PLCXD3: variants seen among roughly 807,000 people sequenced by gnomAD.
PLCXD3 encodes the protein PI-PLC X domain-containing protein 3.
PLCXD3 carries 19 observed loss-of-function variants against 25.5 expected under a neutral mutation model. That is an observed-to-expected ratio of 0.75 (90% confidence interval 0.52 to 1.09). The LOEUF is 1.09. Among genes scored for constraint, PLCXD3 ranks in the 50% least tolerant of loss-of-function variants. The pLI, the probability that PLCXD3 is intolerant of heterozygous loss-of-function variation, is 0.00. For missense variants in PLCXD3, 411 were observed against 388.1 expected, an observed-to-expected ratio of 1.06 and a Z score of -0.50; for synonymous variants, 174 against 137.6, an observed-to-expected ratio of 1.26 and a Z score of -1.85.
intron 2 of PLCXD3, among the ~76,000 whole-genome samples, chr5:41,337,034 A>C (rs2150476475): frequency 6.6e-6 from 1 of 152,298 alleles, no homozygotes; most frequent in African/African-American, 2.4e-5. Flanking sequence ...GGCCTCTGAC[A>C]AACTTAATAA....
intron 1 of PLCXD3, among the ~76,000 whole-genome samples, chr5:41,473,030 CATTTTATAT>C (rs1452522045): frequency 1.3e-5 from 2 of 151,916 alleles, no homozygotes; most frequent in Admixed American, 6.6e-5. Flanking sequence ...ATATTCTTAA[CATTTTATAT>C]ATTTTATGAA....
At chr5:41,334,617 A>G (rs780405132) in intron 2 of PLCXD3, among the ~76,000 whole-genome samples, 5 of 152,208 alleles carry the variant, frequency 3.3e-5, no homozygotes, top group African/African-American at 4.8e-5. Flanking sequence ...TTTGTTTAAC[A>G]AAAAGTAATG....
intron 2 of PLCXD3, among the ~76,000 whole-genome samples, chr5:41,315,510 C>A (rs111457962): frequency 5.9e-5 from 9 of 152,056 alleles, no homozygotes; most frequent in Non-Finnish European, 1.0e-4. Flanking sequence ...CTCCGCATAC[C>A]CCTGCAAGGT....
intron 2 of PLCXD3, among the ~76,000 whole-genome samples, chr5:41,353,318 G>A (rs1744527017): frequency 6.6e-6 from 1 of 151,416 alleles, no homozygotes; most frequent in Non-Finnish European, 1.5e-5. Flanking sequence ...TGCCAGGATG[G>A]TCTCAATCTC....
At chr5:41,328,715 A>T (rs1002205346) in intron 2 of PLCXD3, among the ~76,000 whole-genome samples, 3 of 152,182 alleles carry the variant, frequency 2.0e-5, no homozygotes, top group Non-Finnish European at 4.4e-5. Context: ...TCCCTCCTTC[A>T]AAGAAGCCAC....
chr5:41,328,575 G>A (rs921007732), intron 2 of PLCXD3, among the ~76,000 whole-genome samples: 1 of 152,124 alleles, frequency 6.6e-6, no homozygotes, highest in East Asian at 1.9e-4. Context: ...TACAACAGCA[G>A]GTCCCAAATT....
intron 1 of PLCXD3, among the ~76,000 whole-genome samples, chr5:41,503,663 T>A (rs1172612583): frequency 6.6e-6 from 1 of 152,162 alleles, no homozygotes; most frequent in East Asian, 1.9e-4. Context: ...TGAACCATGA[T>A]TAAATTTTTC....
intron 1 of PLCXD3, among the ~76,000 whole-genome samples, chr5:41,459,825 A>T (rs917296154): frequency 9.2e-5 from 14 of 152,024 alleles, no homozygotes; most frequent in African/African-American, 3.4e-4. Flanking sequence ...TACCCAACTT[A>T]AGGATTGCTG....
chr5:41,383,677 C>T (rs1745550693), intron 1 of PLCXD3, among the ~76,000 whole-genome samples: 1 of 151,932 alleles, frequency 6.6e-6, no homozygotes, highest in Non-Finnish European at 1.5e-5. Context: ...ACTCAGGCTT[C>T]CTCTGAGTGC....
At position 41,486,971 on chromosome 5, in the gene PLCXD3, C is replaced by T. The variant is rs1748532286; in HGVS notation, c.103+23453G>A. Among the ~76,000 whole-genome samples the T allele has an allele frequency of 1.3e-5, 2 of 152,108 alleles. 1 individual carries two copies. The highest frequency in any genetic ancestry group is 4.1e-4 in the South Asian group (2 of 4,828). On this transcript the variant is annotated intron_variant, in intron 1 of 2. Transcript: ENST00000377801. ...TTTACAGATGTAACACCTGATCCTA[C>T]TTGAATTACCAACTTACAGATAATT...
At chr5:41,386,880 T>C (rs1026371301) in intron 1 of PLCXD3, among the ~76,000 whole-genome samples, 1 of 151,944 alleles carries the variant, frequency 6.6e-6, no homozygotes, top group African/African-American at 2.4e-5. Context: ...AAAAGACTGA[T>C]CCTTATCACC....
intron 1 of PLCXD3, among the ~76,000 whole-genome samples, chr5:41,404,744 A>ATTATG (rs1561262973): frequency 3.3e-5 from 5 of 152,180 alleles, no homozygotes; most frequent in African/African-American, 1.2e-4. Flanking sequence ...TTGGTCTCTC[A>ATTATG]GTTTAGCCAT....
At position 41,510,418 on chromosome 5, in the gene PLCXD3, G is replaced by T. The variant is rs1300865334; in HGVS notation, c.103+6C>A. 7 of 1,604,864 alleles carry T rather than the reference G, an allele frequency of 4.4e-6. No individual in the cohort carries two copies. Among genetic ancestry groups the T allele is most frequent in the Non-Finnish European group, 6.0e-6 (7 of 1,175,674 alleles). On this transcript the variant is annotated splice_donor_region_variant and intron_variant, in intron 1 of 2. Coordinates refer to ENST00000377801, the MANE Select transcript of PLCXD3 (RefSeq NM_001005473.3). ...AGCGCCTAGCCCGCAGCCCCTGCGC[G>T]CCTACCTGGAATGGCTAAATTGGTG...
chr5:41,421,494 T>G (rs1390658891), intron 1 of PLCXD3, among the ~76,000 whole-genome samples: 1 of 151,754 alleles, frequency 6.6e-6, no homozygotes, highest in Non-Finnish European at 1.5e-5. Context: ...AAGGTCAGGA[T>G]ATTGAGACCA....
At chr5:41,425,577 A>G (rs1320998938) in intron 1 of PLCXD3, among the ~76,000 whole-genome samples, 1 of 152,164 alleles carries the variant, frequency 6.6e-6, no homozygotes, top group Non-Finnish European at 1.5e-5. Flanking sequence ...ATCTACCACT[A>G]TAGTATCATA....
At chr5:41,326,964 A>C (rs112478957) in intron 2 of PLCXD3, among the ~76,000 whole-genome samples, 1 of 152,170 alleles carries the variant, frequency 6.6e-6, no homozygotes, top group African/African-American at 2.4e-5. Flanking sequence ...TGACAATATG[A>C]TATGGTACAA....
At chr5:41,337,207 G>C (rs185581407) in intron 2 of PLCXD3, among the ~76,000 whole-genome samples, 16 of 152,206 alleles carry the variant, frequency 1.1e-4, no homozygotes, top group Admixed American at 1.0e-3. Context: ...CTCTGGCAAA[G>C]GTGAAAGGCC....
intron 1 of PLCXD3, among the ~76,000 whole-genome samples, chr5:41,465,611 G>T (rs1004259559): frequency 3.3e-5 from 5 of 151,720 alleles, no homozygotes; most frequent in African/African-American, 1.2e-4. Context: ...GGGAATAAAA[G>T]AACTTGAGGT....
chr5:41,438,166 T>G (rs941190508), intron 1 of PLCXD3, among the ~76,000 whole-genome samples: 8 of 152,160 alleles, frequency 5.3e-5, no homozygotes, highest in African/African-American at 1.9e-4. Context: ...GCCACCAACT[T>G]AGAACAGCCC....
Sources: gnomAD v4.1 joint callset for allele counts (sites outside exome capture counted in the v4.1 genomes callset) on GRCh38, gnomAD v4.1.1 for gene constraint, MANE v1.5 for transcripts, NCBI Gene and HGNC (gene_info 2026-07-23, HGNC 2026-07-21) for gene names.